The following ST7 variants were observed in gnomAD, a reference collection of about 807,000 sequenced individuals.
The protein encoded by ST7 is suppression of tumorigenicity 7, also known as suppressor of tumorigenicity 7 protein.
Under a neutral mutation model 78.7 loss-of-function variants are expected in ST7, and 28 were observed. The observed-to-expected ratio is 0.36, with a 90% CI of 0.26 to 0.49. The LOEUF (loss-of-function observed/expected upper bound fraction) is 0.49. Among genes scored for constraint, ST7 ranks in the 20% least tolerant of loss-of-function variants. The pLI is 0.99. For missense variants in ST7, 418 were observed against 696.0 expected (o/e 0.60, Z 4.49); for synonymous variants, 247 against 249.6 (o/e 0.99, Z 0.10).
rs559761484 is a variant in ST7 at position 117,009,307 on chromosome 7, C to T, written c.151+55616C>T. On this transcript the variant is annotated intron_variant, in intron 1 of 15. Transcript: ENST00000323984. ...CTGGGACAACCCACACTAGTCCATT[C>T]ATGACTATTTTTTATGACTTTCTTT... Among the ~76,000 whole-genome samples, 6 of 126,860 alleles carry T rather than the reference C, an allele frequency of 4.7e-5. No homozygotes were observed. The South Asian group carries it at 1.3e-3, about 28-fold the overall frequency. 83.2% of individuals were successfully genotyped at this position (126,860 alleles called of 152,430 possible).
At chr7:117,012,854 T>A (rs1463396258) in intron 1 of ST7, among the ~76,000 whole-genome samples, 1 of 152,212 alleles carries the variant, frequency 6.6e-6, no homozygotes, top group African/African-American at 2.4e-5. Flanking sequence ...TTTTAACCCC[T>A]CTGCTGGATT....
intron 1 of ST7, among the ~76,000 whole-genome samples, chr7:116,960,759 C>T (rs1792786074): frequency 6.6e-6 from 1 of 152,068 alleles, no homozygotes; most frequent in Non-Finnish European, 1.5e-5. Flanking sequence ...AAATTGTCTC[C>T]ATTCTGTAGG....
At chr7:117,157,801 C>T (rs909024780) in intron 9 of ST7, among the ~76,000 whole-genome samples, 1 of 152,122 alleles carries the variant, frequency 6.6e-6, no homozygotes, top group African/African-American at 2.4e-5. Flanking sequence ...TGCTTATCGC[C>T]CTCTGTCTGT....
intron 2 of ST7, among the ~76,000 whole-genome samples, chr7:117,113,813 G>A (rs1379056741): frequency 1.3e-5 from 2 of 152,050 alleles, no homozygotes; most frequent in African/African-American, 4.8e-5. Context: ...AATCTCTAGA[G>A]GAGGGACCTA....
At chr7:116,976,434 G>A (rs906614916) in intron 1 of ST7, among the ~76,000 whole-genome samples, 1 of 152,192 alleles carries the variant, frequency 6.6e-6, no homozygotes, top group African/African-American at 2.4e-5. Context: ...TCTGCAGGTT[G>A]GATTGAGGTT....
chr7:117,201,324 A>G (rs1171676773), intron 12 of ST7, among the ~76,000 whole-genome samples: 1 of 152,152 alleles, frequency 6.6e-6, no homozygotes, highest in Admixed American at 6.5e-5. Flanking sequence ...TTTCTCAGGA[A>G]TAGGAAGTTT....
intron 2 of ST7, chr7:117,112,332 C>T (rs1190229253): frequency 6.6e-6 from 1 of 152,150 alleles, no homozygotes; most frequent in Non-Finnish European, 1.5e-5. Flanking sequence ...CACTCCATGC[C>T]AGGTGTACTA....
At chr7:117,008,634 TC>T (rs1795254049) in intron 1 of ST7, among the ~76,000 whole-genome samples, 1 of 152,214 alleles carries the variant, frequency 6.6e-6, no homozygotes, top group African/African-American at 2.4e-5. Context: ...GAGGTATTGT[TC>T]ATAGTATCAT....
intron 10 of ST7, among the ~76,000 whole-genome samples, chr7:117,186,506 G>A (rs1809276086): frequency 6.6e-6 from 1 of 152,106 alleles, no homozygotes; most frequent in South Asian, 2.1e-4. Context: ...TACTCAGAAT[G>A]GCATGCTGTT....
intron 3 of ST7, among the ~76,000 whole-genome samples, chr7:117,126,340 T>A (rs1162006308): frequency 6.6e-6 from 1 of 151,972 alleles, no homozygotes; most frequent in Non-Finnish European, 1.5e-5. Flanking sequence ...GATTAAAAGC[T>A]CTGTGACTAT....
At chr7:117,228,399 C>A (rs1793582648) in intron 15 of ST7, among the ~76,000 whole-genome samples, 1 of 152,186 alleles carries the variant, frequency 6.6e-6, no homozygotes, top group Non-Finnish European at 1.5e-5. Context: ...CTTTATATTT[C>A]ACCCAGCACT....
intron 1 of ST7, 146 bp downstream of exon 1, chr7:116,953,837 G>T: frequency 2.3e-6 from 1 of 428,304 alleles, no homozygotes; most frequent in South Asian, 9.7e-5. Context: ...CGCCAGCAAC[G>T]CGGCGGCTTA....
At chr7:117,142,639 G>T (rs1805417487) in intron 9 of ST7, among the ~76,000 whole-genome samples, 1 of 152,020 alleles carries the variant, frequency 6.6e-6, no homozygotes, top group Non-Finnish European at 1.5e-5. Context: ...TTGAGATGGG[G>T]TCTCTTTCTG....
intron 1 of ST7, among the ~76,000 whole-genome samples, chr7:117,048,159 G>A (rs1162283935): frequency 1.3e-5 from 2 of 152,092 alleles, no homozygotes; most frequent in East Asian, 1.9e-4. Context: ...TTAGTAGGCC[G>A]AGAAGGAGGA....
intron 12 of ST7, among the ~76,000 whole-genome samples, chr7:117,200,623 G>A (rs1380917954): frequency 6.6e-6 from 1 of 152,122 alleles, no homozygotes; most frequent in East Asian, 1.9e-4. Context: ...ACCGAGGGGA[G>A]GAGGGTGCCA....
chr7:117,102,165 T>C (rs1801610050), intron 2 of ST7, among the ~76,000 whole-genome samples: 1 of 152,242 alleles, frequency 6.6e-6, no homozygotes, highest in Admixed American at 6.5e-5. Context: ...AATTTTCTTC[T>C]GAAATGATGG....
At chr7:117,197,382 T>C (rs907358097) in intron 12 of ST7, among the ~76,000 whole-genome samples, 5 of 152,218 alleles carry the variant, frequency 3.3e-5, no homozygotes, top group African/African-American at 1.2e-4. Context: ...TCAACTTCTA[T>C]AATGAACCTC....
intron 12 of ST7, among the ~76,000 whole-genome samples, chr7:117,197,668 G>T (rs1810444497): frequency 6.6e-6 from 1 of 152,158 alleles, no homozygotes; most frequent in South Asian, 2.1e-4. Flanking sequence ...CTTTTAGTCT[G>T]CATTTCTTTG....
intron 1 of ST7, chr7:116,958,572 C>T (rs1396332536): frequency 2.1e-6 from 1 of 470,282 alleles, no homozygotes; most frequent in Admixed American, 2.4e-5. Context: ...ATCTGTAAAT[C>T]CCACCCATCT....
Sources: allele counts gnomAD v4.1 joint callset (sites outside exome capture counted in the v4.1 genomes callset), GRCh38; gene constraint gnomAD v4.1.1; transcripts MANE v1.5; gene names NCBI Gene and HGNC (gene_info 2026-07-23, HGNC 2026-07-21).